Variants in STMN2 observed in about 807,000 individuals in gnomAD.
STMN2 encodes stathmin-2.
Under a neutral mutation model 24.1 loss-of-function variants are expected in STMN2, and 2 were observed. That is an observed-to-expected ratio of 0.08 (90% CI 0.03 to 0.26). The LOEUF (loss-of-function observed/expected upper bound fraction) is 0.26, where lower values mean the gene tolerates loss of function less well. Among genes scored for constraint, STMN2 ranks in the 10% least tolerant of loss-of-function variants. The pLI is 1.00. For missense variants in STMN2, 114 were observed against 213.6 expected, an observed-to-expected ratio of 0.53 and a Z score of 2.91; for synonymous variants, 83 against 77.5, an observed-to-expected ratio of 1.07 and a Z score of -0.37.
Position 79,654,946 on chromosome 8 carries a change from G to A in STMN2, c.364G>A (p.Glu122Lys). 1 of 1,613,980 alleles carries A rather than the reference G, an allele frequency of 6.2e-7. No homozygotes were observed. Among genetic ancestry groups the A allele is most frequent in the Non-Finnish European group, 8.5e-7 (1 of 1,179,938 alleles). Residue 122 changes from glutamate (E) to lysine (K), a missense_variant, in exon 4 of 5, where the codon GAG becomes AAG. Coordinates refer to ENST00000220876, the MANE Select transcript of STMN2 (RefSeq NM_007029.4). ...GCGAGAAGTCCTTCAGAAGGCTTTG[G>A]AGGAGAACAACAACTTCAGCAAGAT... ...HEREVLQKAL[E>K]ENNNFSKMAE...
intron 1 of STMN2, among the ~76,000 whole-genome samples, chr8:79,618,148 T>A (rs1809426428): frequency 2.0e-5 from 3 of 152,366 alleles, no homozygotes; most frequent in Admixed American, 2.0e-4. Flanking sequence ...AGACCAGAGA[T>A]GGTCTTCTCC....
At chr8:79,641,628 G>GCACACACACACACACACACA in intron 3 of STMN2, 78 bp downstream of exon 3, 1 of 429,976 alleles carries the variant, frequency 2.3e-6, no homozygotes. Context: ...ACACATGCAC[G>GCACACACACACACACACACA]CACACACACA....
At chr8:79,629,644 C>T (rs1585884480) in intron 1 of STMN2, among the ~76,000 whole-genome samples, 1 of 152,254 alleles carries the variant, frequency 6.6e-6, no homozygotes, top group Middle Eastern at 3.4e-3. Context: ...ATTTTGGCTC[C>T]TACATGCAGT....
intron 4 of STMN2, among the ~76,000 whole-genome samples, chr8:79,658,925 T>C (rs1806439934): frequency 6.6e-6 from 1 of 152,206 alleles, no homozygotes; most frequent in African/African-American, 2.4e-5. Context: ...TGATTTAATG[T>C]CTGGAATAGG....
intron 3 of STMN2, among the ~76,000 whole-genome samples, chr8:79,642,264 TA>T (rs1185171908): frequency 2.0e-5 from 3 of 152,210 alleles, no homozygotes; most frequent in African/African-American, 7.2e-5. Flanking sequence ...TACTTTTCCA[TA>T]ATCACATGGC....
At chr8:79,624,014 C>T (rs774090154) in intron 1 of STMN2, among the ~76,000 whole-genome samples, 2 of 152,012 alleles carry the variant, frequency 1.3e-5, no homozygotes, top group Non-Finnish European at 1.5e-5. Context: ...TCAGGAACAA[C>T]ATTGAAGAAA....
At chr8:79,642,464 T>A (rs1385792297) in intron 3 of STMN2, among the ~76,000 whole-genome samples, 1 of 152,208 alleles carries the variant, frequency 6.6e-6, no homozygotes, top group Non-Finnish European at 1.5e-5. Flanking sequence ...TTCCCAATAT[T>A]TTTTATGATA....
At chr8:79,629,341 A>G (rs374370341) in intron 1 of STMN2, among the ~76,000 whole-genome samples, 28 of 152,200 alleles carry the variant, frequency 1.8e-4, no homozygotes, top group African/African-American at 6.5e-4. Context: ...ACCATAAGAC[A>G]TATTACTTAA....
chr8:79,634,423 C>A (rs1227735820), intron 1 of STMN2, among the ~76,000 whole-genome samples: 1 of 152,134 alleles, frequency 6.6e-6, no homozygotes. Context: ...TGGCACAGGA[C>A]AACATGTATT....
chr8:79,656,289 G>A (rs1234382459), intron 4 of STMN2, among the ~76,000 whole-genome samples: 1 of 152,172 alleles, frequency 6.6e-6, no homozygotes, highest in East Asian at 1.9e-4. Flanking sequence ...GTCCGTGGAC[G>A]AGTACTGCTG....
At position 79,665,960 on chromosome 8, in the gene STMN2, G is replaced by A. The variant is rs1806587561; in HGVS notation, c.*1086G>A. 6.6e-6 allele frequency: 1 copy of A among 152,118 alleles called. No individual in the cohort carries two copies. The highest frequency in any genetic ancestry group is 2.4e-5 in the African/African-American group (1 of 41,408). 9.4% of individuals were successfully genotyped at this position (152,118 alleles called of 1,614,324 possible). On this transcript the variant is annotated 3_prime_UTR_variant, in exon 5 of 5. Transcript: ENST00000220876. ...TCTGTGAAGCTGACGCAGTTAAGGG[G>A]GCTAGGCAGGGCATTTGTGCCAACT...
At chr8:79,624,322 C>T (rs796489579) in intron 1 of STMN2, among the ~76,000 whole-genome samples, 3 of 151,596 alleles carry the variant, frequency 2.0e-5, no homozygotes, top group East Asian at 1.9e-4. Flanking sequence ...GGTGTGGTGG[C>T]GGGTGCCTGT....
chr8:79,639,920 G>A (rs748010738), intron 2 of STMN2, among the ~76,000 whole-genome samples: 11 of 152,268 alleles, frequency 7.2e-5, no homozygotes, highest in African/African-American at 9.6e-5. Context: ...AGTCTTCTGC[G>A]GCCGGGCGTG....
At position 79,664,972 on chromosome 8, in the gene STMN2, T is replaced by C. The variant is rs1450746813; in HGVS notation, c.*98T>C. The C allele has an allele frequency of 1.9e-6, 2 of 1,067,668 alleles. No individual in the cohort carries two copies. Among genetic ancestry groups the C allele is most frequent in the Non-Finnish European group, 2.5e-6 (2 of 801,032 alleles). The allele number at this position is 1,067,668 out of a possible 1,614,324, so 66.1% of individuals were successfully genotyped here. A position where few individuals can be genotyped will look rare whatever the true frequency, so the allele number is the denominator to read the frequency against. On this transcript the variant is annotated 3_prime_UTR_variant, in exon 5 of 5. Coordinates refer to ENST00000220876, the MANE Select transcript of STMN2 (RefSeq NM_007029.4). ...CAGGATGGGGAATGTATGACATGGTTTAAAAAGAACTCATTATAAAAAAAA... is the reference window on the plus strand; with the variant it reads ...CAGGATGGGGAATGTATGACATGGTCTAAAAAGAACTCATTATAAAAAAAA...
chr8:79,613,934 A>G (rs558950413), intron 1 of STMN2, among the ~76,000 whole-genome samples: 2 of 152,368 alleles, frequency 1.3e-5, no homozygotes, highest in East Asian at 1.9e-4. Context: ...TGTGGCTGCA[A>G]TGGGTGAGAA....
At chr8:79,642,630 G>C (rs1810125697) in intron 3 of STMN2, among the ~76,000 whole-genome samples, 1 of 152,112 alleles carries the variant, frequency 6.6e-6, no homozygotes, top group East Asian at 1.9e-4. Context: ...TTCTCCAAGA[G>C]AGAATGCAGG....
intron 4 of STMN2, chr8:79,663,562 A>C (rs1470252861): frequency 3.2e-5 from 47 of 1,478,894 alleles, no homozygotes; most frequent in Non-Finnish European, 4.2e-5. Context: ...GAGTTTAACG[A>C]TAAGTTTTAC....
In STMN2 at chr8:79,654,960, C is replaced by T; in HGVS notation, c.378C>T (p.Asn126=). 2.5e-6 allele frequency: 4 copies of T among 1,614,012 alleles called. No homozygotes were observed. Among genetic ancestry groups the T allele is most frequent in the South Asian group, 2.2e-5 (2 of 91,090 alleles). ...AGAAGGCTTTGGAGGAGAACAACAA[C>T]TTCAGCAAGATGGCGGAGGAAAAGC... ...VLQKALEENN[N]FSKMAEEKLI... is the part of the protein sequence containing the mutation. The change falls in exon 4 of 5, where the codon AAC becomes AAT. Residue 126 remains asparagine (N), a synonymous_variant. Coordinates refer to ENST00000220876, the MANE Select transcript of STMN2 (RefSeq NM_007029.4).
At chr8:79,646,262 G>A (rs976761494) in intron 3 of STMN2, among the ~76,000 whole-genome samples, 5 of 152,010 alleles carry the variant, frequency 3.3e-5, no homozygotes, top group African/African-American at 9.7e-5. Context: ...CTATTTGGCA[G>A]GCCCTGTTCT....
Sources: gnomAD v4.1 joint callset for allele counts (sites outside exome capture counted in the v4.1 genomes callset) on GRCh38, gnomAD v4.1.1 for gene constraint, MANE v1.5 for transcripts, NCBI Gene and HGNC (gene_info 2026-07-23, HGNC 2026-07-21) for gene names.